Variants in LAMA1 observed in about 807,000 individuals in gnomAD.
LAMA1 encodes laminin subunit alpha 1.
A neutral mutation model predicts 348.7 loss-of-function variants in LAMA1; 219 were observed. That is an observed-to-expected ratio of 0.63 (90% CI 0.56 to 0.70). The LOEUF (loss-of-function observed/expected upper bound fraction) is 0.70, where lower values mean the gene tolerates loss of function less well. LAMA1 is among the 30% of genes least tolerant of loss of function. The pLI, the probability that LAMA1 is intolerant of heterozygous loss-of-function variation, is 0.00. For synonymous variants in LAMA1, 1,487 were observed against 1,491.0 expected (o/e 1.00, Z 0.06); for missense variants, 3,744 against 3,888.0 (o/e 0.96, Z 0.99).
intron 33 of LAMA1, among the ~76,000 whole-genome samples, chr18:6,997,115 G>C (rs2057784960): frequency 6.6e-6 from 1 of 152,098 alleles, no homozygotes; most frequent in Non-Finnish European, 1.5e-5. Flanking sequence ...CCAGGCTGGA[G>C]TGCAGTGGTG....
intron 1 of LAMA1, among the ~76,000 whole-genome samples, chr18:7,104,293 A>G (rs1225591160): frequency 6.6e-6 from 1 of 152,178 alleles, no homozygotes; most frequent in East Asian, 1.9e-4. Context: ...TACTATTAAC[A>G]GATTTCCATT....
At chr18:7,043,055 G>A in intron 8 of LAMA1, 172 bp downstream of exon 8, 2 of 646,226 alleles carry the variant, frequency 3.1e-6, no homozygotes, top group Non-Finnish European at 5.3e-6. Flanking sequence ...CTTATTTTGA[G>A]CAAGAAAAGC....
chr18:7,101,177 T>A (rs192936157), intron 1 of LAMA1, among the ~76,000 whole-genome samples: 1 of 152,326 alleles, frequency 6.6e-6, no homozygotes, highest in East Asian at 1.9e-4. Flanking sequence ...ACTGTGATTG[T>A]ATAGCACTCT....
In LAMA1 at chr18:6,943,253, A is replaced by C; in HGVS notation, c.8994T>G (p.Val2998=). Residue 2998 remains valine (V), a synonymous_variant, in exon 62 of 63, where the codon GTT becomes GTG. Coordinates refer to ENST00000389658, the MANE Select transcript of LAMA1 (RefSeq NM_005559.4). ...RITLIVDGNA[V]GAESPHTQST... is the part of the protein sequence containing the mutation. ...ACTGGGTGTGTGGACTTTCAGCGCCAACTGCGTTCCCGTCAACAATCAGAG... is the reference window on the plus strand; with the variant it reads ...ACTGGGTGTGTGGACTTTCAGCGCCCACTGCGTTCCCGTCAACAATCAGAG... 6.2e-7 allele frequency: 1 copy of C among 1,614,164 alleles called. No individual in the cohort carries two copies.
Position 6,948,428 on chromosome 18 carries a change from A to G in LAMA1, c.8685T>C (p.Phe2895=), listed in dbSNP as rs778861326. 4 of 1,614,218 alleles carry G rather than the reference A, an allele frequency of 2.5e-6. No homozygotes were observed. Among genetic ancestry groups the G allele is most frequent in the Non-Finnish European group, 2.5e-6 (3 of 1,180,044 alleles). Residue 2895 remains phenylalanine, a synonymous_variant, in exon 60 of 63, where the codon TTT becomes TTC. Coordinates refer to ENST00000389658, the MANE Select transcript of LAMA1 (RefSeq NM_005559.4). ...CAAGAGCTGCATATCCGCTTCCGTC[A>G]AAGTATGTTCCTTCCTGGGCCACTG... ...CYAVAQEGTY[F]DGSGYAALVK...
intron 49 of LAMA1, chr18:6,965,927 T>C (rs73390554): frequency 0.021 from 11,871 of 560,244 alleles, 1,111 homozygotes; most frequent in African/African-American, 0.2. Flanking sequence ...TACTTGGTGT[T>C]CTTCTATATT....
Position 7,037,648 on chromosome 18 carries a change from T to G in LAMA1, c.1667A>C (p.Asn556Thr), listed in dbSNP as rs769432829. ...AGCCAGTCTCTGCATGACCGCGGTG[T>G]TGTTGATGCTGACCTGATGGCGCCC... ...LGGRHQVSINNTAVMQRLAPK... is the reference protein window; with the variant it reads ...LGGRHQVSINTTAVMQRLAPK... Residue 556 changes from asparagine to threonine, a missense_variant, in exon 12 of 63, where the codon AAC (asparagine) becomes ACC (threonine). Physicochemically the swap from Asn to Thr is moderately conservative, Grantham distance 65. Coordinates refer to ENST00000389658, the MANE Select transcript of LAMA1 (RefSeq NM_005559.4). 1.3e-5 allele frequency: 21 copies of G among 1,614,054 alleles called. No homozygotes were observed. The highest frequency in any genetic ancestry group is 1.7e-5 in the Non-Finnish European group (20 of 1,180,004).
In LAMA1 at chr18:6,997,795, G is replaced by A; in HGVS notation, c.4753C>T (p.Pro1585Ser). Residue 1585 changes from proline (P) to serine (S), a missense_variant, in exon 33 of 63, where the codon CCT (proline) becomes TCT (serine). Coordinates refer to ENST00000389658, the MANE Select transcript of LAMA1 (RefSeq NM_005559.4). ...TTTGACAAAATTCCATATGGGACAG[G>A]GATAATGCCAGTGAGGTTCAGAGAA... ...VLSLNLTGII[P>S]VPYGILSNLE... 1.9e-6 allele frequency: 3 copies of A among 1,613,888 alleles called. No homozygotes were observed. Among genetic ancestry groups the A allele is most frequent in the Non-Finnish European group, 1.7e-6 (2 of 1,179,808 alleles).
intron 58 of LAMA1, among the ~76,000 whole-genome samples, chr18:6,949,648 A>G (rs2057537503): frequency 6.6e-6 from 1 of 152,222 alleles, no homozygotes. Context: ...TGGAAATGGG[A>G]GGAATTTAGT....
intron 41 of LAMA1, among the ~76,000 whole-genome samples, chr18:6,981,084 C>A (rs1401612304): frequency 6.7e-6 from 1 of 148,272 alleles, no homozygotes; most frequent in East Asian, 2.0e-4. Flanking sequence ...GCCTGGGCGA[C>A]GGAGCGAGAC....
intron 4 of LAMA1, among the ~76,000 whole-genome samples, chr18:7,049,492 G>A (rs1467695832): frequency 6.6e-6 from 1 of 152,038 alleles, no homozygotes; most frequent in Non-Finnish European, 1.5e-5. Flanking sequence ...TAGAGACAGG[G>A]TTTCACTATA....
chr18:7,008,179 G>A (rs916620846), intron 28 of LAMA1, among the ~76,000 whole-genome samples: 1 of 152,042 alleles, frequency 6.6e-6, no homozygotes, highest in Non-Finnish European at 1.5e-5. Flanking sequence ...GGGGAGAGAG[G>A]AAATGGGGAG....
intron 1 of LAMA1, among the ~76,000 whole-genome samples, chr18:7,094,585 C>G (rs977672004): frequency 2.0e-5 from 3 of 152,112 alleles, no homozygotes; most frequent in Non-Finnish European, 4.4e-5. Flanking sequence ...CACTATTTAA[C>G]TAGAACTCCA....
chr18:7,016,724 ACTC>A, intron 20 of LAMA1, 53 bp from the exon 21 acceptor site: 1 of 1,464,978 alleles, frequency 6.8e-7, no homozygotes, highest in South Asian at 1.2e-5. Context: ...TTAATAAATG[ACTC>A]CTCATATTAG....
intron 48 of LAMA1, among the ~76,000 whole-genome samples, chr18:6,968,705 T>C (rs1339831341): frequency 6.6e-6 from 1 of 152,190 alleles, no homozygotes; most frequent in Non-Finnish European, 1.5e-5. Context: ...CAGCATCCTT[T>C]GAGAATATAA....
At chr18:7,091,754 T>C (rs913930481) in intron 1 of LAMA1, among the ~76,000 whole-genome samples, 3 of 152,206 alleles carry the variant, frequency 2.0e-5, no homozygotes, top group Non-Finnish European at 4.4e-5. Flanking sequence ...ACATTTTCAC[T>C]TTGCACTGGC....
At chr18:6,970,451 T>C (rs1485544777) in intron 48 of LAMA1, among the ~76,000 whole-genome samples, 1 of 152,162 alleles carries the variant, frequency 6.6e-6, no homozygotes, top group Non-Finnish European at 1.5e-5. Flanking sequence ...ACGATGATCA[T>C]TTTTCTTTTC....
chr18:7,091,634 C>T (rs569555686), intron 1 of LAMA1, among the ~76,000 whole-genome samples: 59 of 152,290 alleles, frequency 3.9e-4, no homozygotes, highest in Admixed American at 1.1e-3. Flanking sequence ...TTCACTATCG[C>T]GGGGCATGTG....
At chr18:7,017,459 G>T (rs1327428419) in intron 19 of LAMA1, 75 bp from the exon 20 acceptor site, 29 of 967,306 alleles carry the variant, frequency 3.0e-5, no homozygotes, top group East Asian at 5.0e-5. Context: ...CATCCCCAAA[G>T]GAAAAAAAAA....
Sources: gnomAD v4.1 joint callset for allele counts (sites outside exome capture counted in the v4.1 genomes callset) on GRCh38, gnomAD v4.1.1 for gene constraint, MANE v1.5 for transcripts, NCBI Gene and HGNC (gene_info 2026-07-23, HGNC 2026-07-21) for gene names.